The following OLFML2B variants were observed in gnomAD, a reference collection of about 807,000 sequenced individuals.
OLFML2B encodes the protein olfactomedin like 2B, also known as olfactomedin-like protein 2B.
In OLFML2B, 57 loss-of-function variants were observed where a neutral mutation model predicts 74.9. The ratio of observed to expected loss-of-function variants is 0.76; its 90% CI spans 0.61 to 0.95. The LOEUF (loss-of-function observed/expected upper bound fraction) is 0.95. OLFML2B is among the 40% of genes least tolerant of loss of function. OLFML2B has a pLI of 0.00. For synonymous variants in OLFML2B, 388 were observed against 405.8 expected, an observed-to-expected ratio of 0.96 and a Z score of 0.53; for missense variants, 986 against 970.6, an observed-to-expected ratio of 1.02 and a Z score of -0.21.
chr1:162,015,193 C>T (rs1431056421), intron 3 of OLFML2B, among the ~76,000 whole-genome samples: 2 of 152,196 alleles, frequency 1.3e-5, no homozygotes, highest in East Asian at 3.8e-4. Flanking sequence ...CAAGCAGATA[C>T]TCTCATTGAT....
chr1:162,008,166 T>C (rs1690285943), intron 3 of OLFML2B, among the ~76,000 whole-genome samples: 1 of 152,182 alleles, frequency 6.6e-6, no homozygotes, highest in African/African-American at 2.4e-5. Flanking sequence ...TGCTTCAGGT[T>C]CCCATCTGTA....
In OLFML2B at chr1:161,983,457, T is replaced by C. The variant is rs1689482262; in HGVS notation, c.*218A>G. On this transcript the variant is annotated 3_prime_UTR_variant, in exon 8 of 8. Coordinates refer to ENST00000294794, the MANE Select transcript of OLFML2B (RefSeq NM_015441.3). ...AAGGAGAAGTTCATTTGCACAAAAA[T>C]ATAAACTGGGGAGGATGAGACCAGC... 4.6e-6 allele frequency: 2 copies of C among 433,618 alleles called. No homozygotes were observed. Among genetic ancestry groups the C allele is most frequent in the South Asian group, 4.7e-5 (1 of 21,262 alleles). The allele number at this position is 433,618 out of a possible 1,614,324, so 26.9% of individuals were successfully genotyped here. A position where few individuals can be genotyped will look rare whatever the true frequency, so the allele number is the denominator to read the frequency against.
intron 3 of OLFML2B, among the ~76,000 whole-genome samples, chr1:162,012,784 A>G (rs1394308012): frequency 6.6e-6 from 1 of 151,184 alleles, no homozygotes; most frequent in East Asian, 2.0e-4. Flanking sequence ...AAACACTTAC[A>G]GGTATCCTGC....
intron 3 of OLFML2B, 82 bp from the exon 4 acceptor site, chr1:162,006,555 G>A (rs549065193): frequency 2.6e-4 from 285 of 1,076,284 alleles, no homozygotes; most frequent in South Asian, 4.9e-4. Context: ...TTCGCTCAGA[G>A]CACACAGACA....
intron 6 of OLFML2B, among the ~76,000 whole-genome samples, chr1:161,985,546 C>T (rs535849513): frequency 2.6e-5 from 4 of 152,366 alleles, no homozygotes; most frequent in African/African-American, 9.6e-5. Flanking sequence ...AGGGTGAACA[C>T]ACAGCATGAG....
chr1:162,006,887 G>A (rs1339405748), intron 3 of OLFML2B, among the ~76,000 whole-genome samples: 1 of 152,092 alleles, frequency 6.6e-6, no homozygotes, highest in African/African-American at 2.4e-5. Context: ...ATGAAAGAGG[G>A]GCTTTCTAAG....
intron 4 of OLFML2B, among the ~76,000 whole-genome samples, chr1:162,004,274 T>C (rs1226433295): frequency 6.6e-6 from 1 of 152,168 alleles, no homozygotes; most frequent in Non-Finnish European, 1.5e-5. Context: ...GTCTTCTGGC[T>C]CCTTGGTTTA....
In OLFML2B at chr1:162,023,717, G is replaced by T. The variant is rs189649420; in HGVS notation, c.-287C>A. The stretch of plus-strand genomic sequence containing the variant: ...GGAGGCGGGCACGGGCTAGCTGAGC[G>T]AGTCGCCCGCAGGAGGGCTCAGGTG... On this transcript the variant is annotated 5_prime_UTR_variant, in exon 1 of 8. Transcript: ENST00000294794. 2.5e-3 allele frequency: 586 copies of T among 235,682 alleles called. 6 individuals are homozygous for T. Among genetic ancestry groups the T allele is most frequent in the African/African-American group, 0.01 (467 of 44,522 alleles). 14.6% of individuals were successfully genotyped at this position (235,682 alleles called of 1,614,324 possible). A position where few individuals can be genotyped will look rare whatever the true frequency, so the allele number is the denominator to read the frequency against.
In OLFML2B at chr1:162,000,207, C is replaced by T. The variant is rs1449531752; in HGVS notation, c.855G>A (p.Leu285=). The part of the protein sequence containing the change: ...SQRPLQRQVH[L]RGRPASQPTV... ...TGGGCTGGGAGGCCGGCCGGCCTCTCAGGTGGACCTGCCTCTGCAGGGGCC... is the reference window on the plus strand; with the variant it reads ...TGGGCTGGGAGGCCGGCCGGCCTCTTAGGTGGACCTGCCTCTGCAGGGGCC... The change falls in exon 5 of 8, where the codon CTG becomes CTA. Residue 285 remains leucine, a synonymous_variant. Transcript: ENST00000294794. 6.2e-7 allele frequency: 1 copy of T among 1,613,882 alleles called. No homozygotes were observed. The highest frequency in any genetic ancestry group is 1.7e-5 in the Admixed American group (1 of 60,034).
intron 6 of OLFML2B, among the ~76,000 whole-genome samples, chr1:161,997,443 C>T (rs1689942824): frequency 6.6e-6 from 1 of 152,138 alleles, no homozygotes; most frequent in African/African-American, 2.4e-5. Context: ...CAGTAAAAAC[C>T]CTTTGTTCTT....
rs1199257754 is a variant in OLFML2B, at chr1:161,985,213, C to T, written c.1475-233G>A. 6 of 452,942 alleles carry T rather than the reference C, an allele frequency of 1.3e-5. No homozygotes were observed. In the South Asian group the frequency reaches 1.7e-4, roughly 13 times the overall value. 28.1% of individuals were successfully genotyped at this position (452,942 alleles called of 1,614,324 possible). A position where few individuals can be genotyped will look rare whatever the true frequency, so the allele number is the denominator to read the frequency against. Reference sequence around the variant, plus strand: ...CCCATCTTTGGCAACTTTCACACCACTATGCTTTGCTCCTGTTCTGACTTC... The same window carrying T: ...CCCATCTTTGGCAACTTTCACACCATTATGCTTTGCTCCTGTTCTGACTTC... On this transcript the variant is annotated intron_variant, in intron 6 of 7. Coordinates refer to ENST00000294794, the MANE Select transcript of OLFML2B (RefSeq NM_015441.3).
intron 3 of OLFML2B, among the ~76,000 whole-genome samples, chr1:162,007,491 C>G (rs759229511): frequency 5.9e-5 from 9 of 152,192 alleles, no homozygotes; most frequent in Non-Finnish European, 1.2e-4. Context: ...GGCCCTCATT[C>G]TAAAGTTTCC....
intron 6 of OLFML2B, 74 bp downstream of exon 6, chr1:161,997,751 C>G: frequency 6.7e-7 from 1 of 1,488,980 alleles, no homozygotes; most frequent in African/African-American, 1.4e-5. Context: ...CCTCCCTCTC[C>G]TCTCAAGATA....
chr1:162,019,166 T>C (rs966037356), intron 2 of OLFML2B, among the ~76,000 whole-genome samples: 1 of 152,258 alleles, frequency 6.6e-6, no homozygotes, highest in Non-Finnish European at 1.5e-5. Context: ...TTCATTTACA[T>C]GGTCATGCCT....
At chr1:161,998,441 G>A (rs1180748056) in intron 5 of OLFML2B, 92 bp from the exon 6 acceptor site, 1 of 1,424,320 alleles carries the variant, frequency 7.0e-7, no homozygotes, top group Non-Finnish European at 9.5e-7. Context: ...GAATTAGAGG[G>A]TGCCTTTCCT....
Position 162,023,373 on chromosome 1 carries a change from C to G in OLFML2B, c.58G>C (p.Val20Leu). 1 of 1,604,766 alleles carries G rather than the reference C, an allele frequency of 6.2e-7. No individual in the cohort carries two copies. The highest frequency in any genetic ancestry group is 8.5e-7 in the Non-Finnish European group (1 of 1,174,516). ...GTCCCTGTGAGGACAATGCTGGACA[C>G]CCAGGCCGGAACCACAATCAGAGCG... is the stretch of plus-strand genomic sequence containing the variant. ...YFALIVVPAW[V>L]SSIVLTGTSE... The change falls in exon 1 of 8, where the codon GTG becomes CTG. Residue 20 changes from valine to leucine, a missense_variant. Coordinates refer to ENST00000294794, the MANE Select transcript of OLFML2B (RefSeq NM_015441.3).
chr1:162,017,676 G>A (rs769039499), intron 2 of OLFML2B, among the ~76,000 whole-genome samples, 169 bp from the exon 3 acceptor site: 1 of 152,190 alleles, frequency 6.6e-6, no homozygotes, highest in Non-Finnish European at 1.5e-5. Flanking sequence ...CAAGCACAAT[G>A]GTGTATGTGC....
chr1:162,000,159 G>A lies in OLFML2B; in HGVS notation c.903C>T (p.Tyr301=), dbSNP rs775116728. The A allele has an allele frequency of 3.1e-6, 5 of 1,612,014 alleles. No homozygotes were observed. Among genetic ancestry groups the A allele is most frequent in the Non-Finnish European group, 4.2e-6 (5 of 1,178,412 alleles). Residue 301 remains tyrosine, a synonymous_variant, in exon 5 of 8, where the codon TAC becomes TAT. Coordinates refer to ENST00000294794, the MANE Select transcript of OLFML2B (RefSeq NM_015441.3). ...SQPTVIRGIT[Y]YKAKVSEEEN... The stretch of plus-strand genomic sequence containing the variant: ...CTTCTTCAGAGACCTTGGCTTTATA[G>A]TAGGTGATGCCCCGGATGACAGTGG...
intron 4 of OLFML2B, among the ~76,000 whole-genome samples, chr1:162,002,168 C>T (rs1247008998): frequency 6.6e-6 from 1 of 152,226 alleles, no homozygotes; most frequent in Non-Finnish European, 1.5e-5. Flanking sequence ...AGGGCCACCC[C>T]ACAGGTGGGT....
Sources: allele counts gnomAD v4.1 joint callset (sites outside exome capture counted in the v4.1 genomes callset), GRCh38; gene constraint gnomAD v4.1.1; transcripts MANE v1.5; gene names NCBI Gene and HGNC (gene_info 2026-07-23, HGNC 2026-07-21).